Variants in NPSR1 observed in about 807,000 individuals in gnomAD.
NPSR1 encodes the protein neuropeptide S receptor.
A neutral mutation model predicts 46.9 loss-of-function variants in NPSR1; 48 were observed. That is an observed-to-expected ratio of 1.02 (90% CI 0.81 to 1.30). The LOEUF is 1.30. Ranked by LOEUF, NPSR1 falls within the 50% of genes most tolerant of loss-of-function variation. The pLI is 0.00. For missense variants in NPSR1, 450 were observed against 449.5 expected, an observed-to-expected ratio of 1.00 and a Z score of -0.01; for synonymous variants, 176 against 168.1, an observed-to-expected ratio of 1.05 and a Z score of -0.36.
intron 8 of NPSR1, among the ~76,000 whole-genome samples, chr7:34,865,076 TGAA>T (rs1448578220): frequency 1.2e-4 from 18 of 151,952 alleles, no homozygotes; most frequent in African/African-American, 4.1e-4. Flanking sequence ...GCAAGCTGAA[TGAA>T]GAGGACTCTC....
intron 4 of NPSR1, 55 bp downstream of exon 4, chr7:34,811,918 A>G (rs1789006774): frequency 8.9e-7 from 1 of 1,120,616 alleles, no homozygotes; most frequent in Non-Finnish European, 1.3e-6. Flanking sequence ...GAGTGAGGGT[A>G]GGATCATTTT....
chr7:34,741,577 T>C (rs1002782199), intron 2 of NPSR1, among the ~76,000 whole-genome samples: 4 of 152,160 alleles, frequency 2.6e-5, no homozygotes, highest in Admixed American at 2.6e-4. Context: ...CCTGGGAATA[T>C]TCTAAGTTAG....
chr7:34,782,042 G>C (rs1280022491), intron 3 of NPSR1, among the ~76,000 whole-genome samples: 1 of 152,102 alleles, frequency 6.6e-6, no homozygotes, highest in East Asian at 1.9e-4. Flanking sequence ...CCTGTGCCCT[G>C]GGCAACAGCT....
At chr7:34,792,098 T>TA (rs1461556029) in intron 3 of NPSR1, among the ~76,000 whole-genome samples, 1 of 152,044 alleles carries the variant, frequency 6.6e-6, no homozygotes, top group Non-Finnish European at 1.5e-5. Flanking sequence ...TGTAAGACCT[T>TA]AAACTATAAA....
rs562033722 is a variant in NPSR1 at position 34,846,327 on chromosome 7, C to T, written c.844+1345C>T. 3.3e-5 allele frequency among the ~76,000 whole-genome samples: 5 copies of T among 152,246 alleles called. No homozygotes were observed. The South Asian group carries it at 1.0e-3, about 32-fold the overall frequency. ...GCAGGAACACCCTCTAGAGGGTCAG[C>T]AAATATTGACAGCCCTACCAGACCA... On this transcript the variant is annotated intron_variant, in intron 7 of 8. Transcript: ENST00000360581.
chr7:34,826,127 A>T (rs990059394), intron 4 of NPSR1, among the ~76,000 whole-genome samples: 5 of 151,738 alleles, frequency 3.3e-5, no homozygotes, highest in Admixed American at 1.3e-4. Context: ...AGGCAGGAAA[A>T]CCTCTCCCCC....
chr7:34,684,781 G>T (rs1033817365), intron 2 of NPSR1, 97 bp downstream of exon 2: 7 of 962,784 alleles, frequency 7.3e-6, no homozygotes, highest in Admixed American at 6.5e-5. Context: ...AAAATGTAAC[G>T]CATCGGTCAA....
rs1350357699 is a variant in NPSR1 at position 34,790,848 on chromosome 7, TTATATGTTATGTTA to T, written c.384+12294_384+12307del. On this transcript the variant is annotated intron_variant, in intron 3 of 8. Transcript: ENST00000360581. The stretch of plus-strand genomic sequence containing the variant: ...GGTTATATGTTATGTTATATATATG[TTATATGTTATGTTA>T]TATATGTTATATGTTATATTATATA... Among the ~76,000 whole-genome samples the T allele has an allele frequency of 3.1e-5, 4 of 129,066 alleles. 1 individual carries two copies. Among genetic ancestry groups the T allele is most frequent in the Admixed American group, 1.7e-4 (2 of 11,862 alleles). 84.7% of individuals were successfully genotyped at this position (129,066 alleles called of 152,430 possible).
chr7:34,795,623 T>C (rs1788137897), intron 3 of NPSR1, among the ~76,000 whole-genome samples: 1 of 152,110 alleles, frequency 6.6e-6, no homozygotes, highest in Non-Finnish European at 1.5e-5. Context: ...AATAAACAAG[T>C]ATAATTTGAT....
At chr7:34,798,974 T>G (rs189577575) in intron 3 of NPSR1, among the ~76,000 whole-genome samples, 163 of 152,286 alleles carry the variant, frequency 1.1e-3, no homozygotes, top group African/African-American at 3.8e-3. Flanking sequence ...GAGTGAAATT[T>G]ATAACACTGA....
intron 2 of NPSR1, among the ~76,000 whole-genome samples, chr7:34,692,642 C>G (rs1054654380): frequency 2.0e-5 from 3 of 151,222 alleles, no homozygotes; most frequent in Non-Finnish European, 4.4e-5. Context: ...CTCTAAGGAA[C>G]AAGGAAAGCG....
intron 2 of NPSR1, among the ~76,000 whole-genome samples, chr7:34,708,313 C>G (rs1185581035): frequency 1.3e-5 from 2 of 152,196 alleles, no homozygotes; most frequent in Admixed American, 1.3e-4. Context: ...ATGTGCCTCA[C>G]TGACATAACT....
intron 2 of NPSR1, among the ~76,000 whole-genome samples, chr7:34,773,950 G>A (rs1464936888): frequency 1.3e-5 from 2 of 152,108 alleles, no homozygotes; most frequent in Non-Finnish European, 2.9e-5. Flanking sequence ...CCAACCACAT[G>A]TCTCTGTCTC....
Position 34,741,665 on chromosome 7 carries a change from T to C in NPSR1, c.281-36797T>C, listed in dbSNP as rs552628733. 1.3e-3 allele frequency among the ~76,000 whole-genome samples: 201 copies of C among 152,286 alleles called. 1 individual carries two copies. The highest frequency in any genetic ancestry group is 4.7e-3 in the African/African-American group (196 of 41,546). On this transcript the variant is annotated intron_variant, in intron 2 of 8. Transcript: ENST00000360581. ...TAAGTTAGGTAAAACAAAGGCACAC[T>C]TTGCACTGATCCTTCAGGGAGCTGC...
At chr7:34,692,310 A>T (rs1279925715) in intron 2 of NPSR1, among the ~76,000 whole-genome samples, 3 of 152,176 alleles carry the variant, frequency 2.0e-5, no homozygotes, top group African/African-American at 7.2e-5. Context: ...GCCATAAAGC[A>T]ATTCTCAATA....
intron 4 of NPSR1, among the ~76,000 whole-genome samples, chr7:34,826,856 C>G (rs957301397): frequency 2.0e-5 from 3 of 149,980 alleles, no homozygotes; most frequent in Admixed American, 1.3e-4. Flanking sequence ...AGTGTTCTTT[C>G]TCTGCCTTGT....
At chr7:34,768,979 G>T (rs966580553) in intron 2 of NPSR1, among the ~76,000 whole-genome samples, 2 of 152,162 alleles carry the variant, frequency 1.3e-5, no homozygotes, top group Non-Finnish European at 2.9e-5. Context: ...TCTGAGGAGA[G>T]AGGAGGATAG....
rs145368845 is a variant in NPSR1, at chr7:34,867,626, G to A, written c.1026-10450G>A. On this transcript the variant is annotated intron_variant, in intron 8 of 8. Transcript: ENST00000359791. ...GTCATCTTTCTTCCTGAAGATTTCC[G>A]ATATCACCCCAGGAGCAACAGGGAT... 1.5e-3 allele frequency among the ~76,000 whole-genome samples: 229 copies of A among 151,950 alleles called. 3 individuals carry two copies. Among genetic ancestry groups the A allele is most frequent in the East Asian group, 4.6e-3 (24 of 5,186 alleles).
intron 2 of NPSR1, among the ~76,000 whole-genome samples, chr7:34,689,595 ACT>A (rs1183330518): frequency 9.3e-6 from 1 of 107,084 alleles, no homozygotes; most frequent in Non-Finnish European, 1.8e-5. Context: ...ACAGAGCCAG[ACT>A]CTGTCTCAAA....
Sources: gnomAD v4.1 joint callset for allele counts (sites outside exome capture counted in the v4.1 genomes callset) on GRCh38, gnomAD v4.1.1 for gene constraint, MANE v1.5 for transcripts, NCBI Gene and HGNC (gene_info 2026-07-23, HGNC 2026-07-21) for gene names.